The following PFKM variants were observed in gnomAD, a reference collection of about 807,000 sequenced individuals.
The protein encoded by PFKM is phosphofructokinase, muscle.
PFKM carries 58 observed loss-of-function variants against 95.5 expected under a neutral mutation model. That is an observed-to-expected ratio of 0.61 (90% CI 0.49 to 0.76). The LOEUF (loss-of-function observed/expected upper bound fraction) is 0.76, where lower values mean the gene tolerates loss of function less well. Ranked by LOEUF, PFKM falls within the 30% of genes least tolerant of loss-of-function variation. PFKM has a pLI of 0.00. For synonymous variants in PFKM, 336 were observed against 357.2 expected (o/e 0.94, Z 0.67); for missense variants, 678 against 1,005.4 (o/e 0.67, Z 4.40).
chr12:48,132,273 T>C (rs1203735321), intron 4 of PFKM: 1 of 334,260 alleles, frequency 3.0e-6, no homozygotes, highest in Non-Finnish European at 5.8e-6. Context: ...TAGATACCTC[T>C]CTTGGGGTAT....
intron 3 of PFKM, 90 bp from the exon 4 acceptor site, chr12:48,131,226 C>G: frequency 1.1e-6 from 1 of 917,088 alleles, no homozygotes; most frequent in South Asian, 1.3e-5. Context: ...TGGCTTGACT[C>G]TCAGAGAATC....
At chr12:48,105,792 C>T (rs1592538269), upstream of PFKM, 1 of 584,120 alleles carries the variant, frequency 1.7e-6, no homozygotes, top group African/African-American at 1.9e-5. Flanking sequence ...GAGAGAGAGA[C>T]CAGAAGGAAC....
intron 5 of PFKM, 38 bp downstream of exon 5, chr12:48,133,095 C>T (rs1001382682): frequency 3.8e-6 from 6 of 1,577,788 alleles, no homozygotes; most frequent in East Asian, 2.2e-5. Context: ...TTATTTGTGT[C>T]GGTACGTGCA....
intron 3 of PFKM, among the ~76,000 whole-genome samples, chr12:48,110,015 C>T (rs1352863797): frequency 6.6e-6 from 1 of 152,184 alleles, no homozygotes; most frequent in African/African-American, 2.4e-5. Context: ...ACAGTAATCA[C>T]ACAATCACAC....
chr12:48,119,228 G>A, upstream of PFKM: 1 of 975,188 alleles, frequency 1.0e-6, no homozygotes, highest in Non-Finnish European at 1.2e-6. Flanking sequence ...AGAAAGGCAA[G>A]CAGGAGGAGG....
At chr12:48,143,026 T>C (rs1288615097) in intron 18 of PFKM, 80 bp downstream of exon 18, 7 of 1,378,486 alleles carry the variant, frequency 5.1e-6, no homozygotes, top group African/African-American at 1.4e-5. Context: ...CTATGAGAGC[T>C]CAAGTTGAGG....
intron 2 of PFKM, among the ~76,000 whole-genome samples, chr12:48,127,141 C>A (rs1948940409): frequency 6.6e-6 from 1 of 152,172 alleles, no homozygotes; most frequent in Non-Finnish European, 1.5e-5. Context: ...GGCACTGTTC[C>A]AACTTCTTGA....
At chr12:48,129,703 G>A (rs975107901) in intron 2 of PFKM, among the ~76,000 whole-genome samples, 5 of 152,224 alleles carry the variant, frequency 3.3e-5, no homozygotes, top group South Asian at 2.1e-4. Context: ...CTGTGAACTT[G>A]TGAATAAACT....
chr12:48,141,339 G>T lies in PFKM; in HGVS notation c.1370G>T (p.Gly457Val). The T allele has an allele frequency of 6.2e-7, 1 of 1,614,142 alleles. No individual in the cohort carries two copies. The highest frequency in any genetic ancestry group is 1.1e-5 in the South Asian group (1 of 91,082). The change falls in exon 15 of 23, where the codon GGG (glycine) becomes GTG (valine). Residue 457 changes from glycine (G) to valine (V), a missense_variant. Gly to Val is a moderately radical substitution (Grantham distance 109, BLOSUM62 -3). Transcript: ENST00000359794. Reference protein sequence around the residue: ...QIEEAGWSYVGGWTGQGGSKL... With the variant: ...QIEEAGWSYVVGWTGQGGSKL... Reference sequence around the variant, plus strand: ...GAGGAAGCTGGCTGGAGCTATGTTGGGGGCTGGACTGGCCAAGGTGGCTCT... The same window carrying T: ...GAGGAAGCTGGCTGGAGCTATGTTGTGGGCTGGACTGGCCAAGGTGGCTCT...
Position 48,133,015 on chromosome 12 carries a change from C to G in PFKM, c.385C>G (p.Arg129Gly), listed in dbSNP as rs762752401. 1.2e-6 allele frequency: 2 copies of G among 1,614,108 alleles called. No individual in the cohort carries two copies. Among genetic ancestry groups the G allele is most frequent in the Non-Finnish European group, 1.7e-6 (2 of 1,180,016 alleles). ...DGSLTGADTF[R>G]SEWSDLLSDL... The stretch of plus-strand genomic sequence containing the variant: ...CAGCCTCACTGGGGCTGACACCTTC[C>G]GTTCTGAGTGGAGTGACTTGTTGAG... Residue 129 changes from arginine (R) to glycine (G), a missense_variant, in exon 5 of 23, where the codon CGT becomes GGT. Arg to Gly is a moderately radical substitution (Grantham distance 125). Transcript: ENST00000359794.
upstream of PFKM, among the ~76,000 whole-genome samples, chr12:48,118,177 C>T (rs139801075): frequency 4.9e-4 from 74 of 152,252 alleles, no homozygotes; most frequent in African/African-American, 1.8e-3. Flanking sequence ...TTTCCATCAA[C>T]GTCTGAACTA....
Position 48,145,165 on chromosome 12 carries a change from G to A in PFKM, c.2092+35G>A, listed in dbSNP as rs1293627439. 1 of 1,610,692 alleles carries A rather than the reference G, an allele frequency of 6.2e-7. No homozygotes were observed. The highest frequency in any genetic ancestry group is 1.1e-5 in the South Asian group (1 of 91,022). On this transcript the variant is annotated intron_variant, in intron 21 of 22. Coordinates refer to ENST00000359794, the MANE Select transcript of PFKM (RefSeq NM_000289.6). This position sits in a 1 kb window ranked among gnomAD's most constrained non-coding sequence, Gnocchi z 4.3. ...GTGAGAGCGAGTGCCCTCTATAGAG[G>A]CTGGTTCCCCAGTATAGAAGCTGAC...
At chr12:48,130,321 T>G in intron 2 of PFKM, 42 bp from the exon 3 acceptor site, 1 of 1,475,230 alleles carries the variant, frequency 6.8e-7, no homozygotes, top group Non-Finnish European at 9.5e-7. Flanking sequence ...CGCCTTTTCT[T>G]AGGAGCAACC....
At chr12:48,127,569 C>T (rs1049066831) in intron 2 of PFKM, among the ~76,000 whole-genome samples, 1 of 152,194 alleles carries the variant, frequency 6.6e-6, no homozygotes, top group Non-Finnish European at 1.5e-5. Flanking sequence ...TCCTAGATGT[C>T]TTCTGTCCAG....
At chr12:48,119,292 C>T, upstream of PFKM, 1 of 984,254 alleles carries the variant, frequency 1.0e-6, no homozygotes, top group Non-Finnish European at 1.2e-6. Flanking sequence ...TCTCCTCCTT[C>T]CCCCTCCCTC....
chr12:48,133,131 C>A, intron 5 of PFKM, 74 bp downstream of exon 5: 1 of 1,459,726 alleles, frequency 6.9e-7, no homozygotes, highest in South Asian at 1.1e-5. Flanking sequence ...ACATCGCCCC[C>A]GCCCTGCTTT....
chr12:48,136,167 G>C (rs368012298), intron 10 of PFKM, among the ~76,000 whole-genome samples: 1 of 152,172 alleles, frequency 6.6e-6, no homozygotes, highest in South Asian at 2.1e-4. Flanking sequence ...GATTACAGGC[G>C]TGAGCCACTG....
intron 13 of PFKM, among the ~76,000 whole-genome samples, chr12:48,140,445 G>T (rs1483486396): frequency 3.3e-5 from 5 of 152,206 alleles, no homozygotes; most frequent in African/African-American, 1.2e-4. Context: ...GGGAAGTGCT[G>T]CTCTGGAAGG....
chr12:48,119,417 C>G lies in PFKM; in HGVS notation c.-9+11C>G. 1 of 985,738 alleles carries G rather than the reference C, an allele frequency of 1.0e-6. No individual in the cohort carries two copies. Among genetic ancestry groups the G allele is most frequent in the Non-Finnish European group, 1.2e-6 (1 of 830,126 alleles). The allele number at this position is 985,738 out of a possible 1,614,324, so 61.1% of individuals were successfully genotyped here. On this transcript the variant is annotated intron_variant, in intron 1 of 22. Transcript: ENST00000359794. ...AGCTAAGACTAAAAGGCAAGAGGGG[C>G]CATTGAGTGAAGAGCAAGGGGGAGA... is the stretch of plus-strand genomic sequence containing the variant.
Sources: allele counts gnomAD v4.1 joint callset (sites outside exome capture counted in the v4.1 genomes callset), GRCh38; gene constraint gnomAD v4.1.1; non-coding constraint Gnocchi (gnomAD v3.1); transcripts MANE v1.5; gene names NCBI Gene and HGNC (gene_info 2026-07-23, HGNC 2026-07-21).